Variants in CALCOCO2 observed in about 807,000 individuals in gnomAD.
The protein encoded by CALCOCO2 is calcium binding and coiled-coil domain 2, also known as calcium-binding and coiled-coil domain-containing protein 2.
In CALCOCO2, 42 loss-of-function variants were observed where a neutral mutation model predicts 62.5. The ratio of observed to expected loss-of-function variants is 0.67; its 90% CI spans 0.53 to 0.87. The LOEUF is 0.87. CALCOCO2 is among the 40% of genes least tolerant of loss of function. CALCOCO2 has a pLI of 0.00. For missense variants in CALCOCO2, 456 were observed against 515.0 expected (o/e 0.89, Z 1.11); for synonymous variants, 167 against 173.0 (o/e 0.97, Z 0.27).
intron 1 of CALCOCO2, chr17:48,831,868 C>T (rs1488398063): frequency 6.6e-6 from 1 of 152,122 alleles, no homozygotes; most frequent in East Asian, 1.9e-4. Flanking sequence ...AAGTAAAGGA[C>T]TTTATGTGGT....
Position 48,863,048 on chromosome 17 carries a change from G to T in CALCOCO2, c.*43G>T. 7.1e-7 allele frequency: 1 copy of T among 1,400,910 alleles called. No homozygotes were observed. The highest frequency in any genetic ancestry group is 1.2e-5 in the South Asian group (1 of 86,534). The allele number at this position is 1,400,910 out of a possible 1,614,324, so 86.8% of individuals were successfully genotyped here. ...ATGTATACAGAGATTTTATAGAATA[G>T]AACCTATAGCTTCTACCATGAGTTA... On this transcript the variant is annotated 3_prime_UTR_variant, in exon 13 of 13. Transcript: ENST00000258947.
chr17:48,851,753 A>C (rs1487338743), intron 7 of CALCOCO2, 125 bp downstream of exon 7: 46 of 681,992 alleles, frequency 6.7e-5, no homozygotes. Flanking sequence ...AAAGTATCAC[A>C]CTAAAGTTTC....
intron 10 of CALCOCO2, among the ~76,000 whole-genome samples, chr17:48,858,039 G>GA (rs1251403784): frequency 9.3e-5 from 2 of 21,620 alleles, no homozygotes; most frequent in African/African-American, 1.9e-4. Context: ...GAATAGAATA[G>GA]AATAGAAAAT....
At chr17:48,858,066 G>GAATAC (rs2040268796) in intron 10 of CALCOCO2, among the ~76,000 whole-genome samples, 6 of 144,640 alleles carry the variant, frequency 4.1e-5, no homozygotes, top group Admixed American at 6.9e-5. Flanking sequence ...GAATAGAATA[G>GAATAC]AATAGAATTT....
At chr17:48,842,691 A>G (rs1567751413) in intron 2 of CALCOCO2, 1 of 151,526 alleles carries the variant, frequency 6.6e-6, no homozygotes. Context: ...CCCAGGCTGA[A>G]GTACAGTGGT....
chr17:48,845,979 G>C, intron 2 of CALCOCO2: 1 of 738,670 alleles, frequency 1.4e-6, no homozygotes, highest in South Asian at 1.7e-5. Flanking sequence ...AGAGTTGGCT[G>C]TAAAGTTTCG....
chr17:48,852,701 A>C lies in CALCOCO2; in HGVS notation c.825+73A>C, dbSNP rs879186437. The C allele has an allele frequency of 2.9e-5, 42 of 1,438,460 alleles. 1 individual carries two copies. In the South Asian group the frequency reaches 3.2e-4, roughly 11 times the overall value. The allele number at this position is 1,438,460 out of a possible 1,614,324, so 89.1% of individuals were successfully genotyped here. On this transcript the variant is annotated intron_variant, in intron 8 of 12. Coordinates refer to ENST00000258947, the MANE Select transcript of CALCOCO2 (RefSeq NM_005831.5). ...ATACGTTGTTCTTTGTATAAAGAAC[A>C]TTTTAATGTTCTTTAATATACCTGG...
intron 12 of CALCOCO2, among the ~76,000 whole-genome samples, 176 bp downstream of exon 12, chr17:48,862,480 G>C (rs1350968031): frequency 1.3e-5 from 2 of 152,196 alleles, no homozygotes; most frequent in Non-Finnish European, 2.9e-5. Context: ...GGAGATGAAA[G>C]CACAGTTCAT....
chr17:48,852,245 A>G, intron 7 of CALCOCO2: 1 of 349,166 alleles, frequency 2.9e-6, no homozygotes, highest in South Asian at 4.3e-5. Flanking sequence ...AATCATCTAT[A>G]TCAATAATCA....
Position 48,851,581 on chromosome 17 carries a change from A to G in CALCOCO2, c.655A>G (p.Met219Val). The G allele has an allele frequency of 6.2e-7, 1 of 1,602,448 alleles. No homozygotes were observed. The change falls in exon 7 of 13, where the codon ATG (methionine) becomes GTG (valine). Residue 219 changes from methionine (M) to valine (V), a missense_variant. Physicochemically the swap from Met to Val is conservative, Grantham distance 21. Transcript: ENST00000258947. ...LLQLKEQNQKMSSENEKMGIR... is the reference protein window; with the variant it reads ...LLQLKEQNQKVSSENEKMGIR... The stretch of plus-strand genomic sequence containing the variant: ...CAGACTGAAAGAACAAAACCAGAAG[A>G]TGTCCTCAGAAAATGAGAAGATGGG...
chr17:48,835,723 T>TG (rs1371791376), intron 1 of CALCOCO2, among the ~76,000 whole-genome samples: 2 of 408 alleles, frequency 4.9e-3, no homozygotes, highest in African/African-American at 6.0e-3. Flanking sequence ...TTGGTTGTTT[T>TG]TCTTTTCTTT....
At chr17:48,856,328 AAATTT>A in intron 10 of CALCOCO2, 141 bp downstream of exon 10, 3 of 569,466 alleles carry the variant, frequency 5.3e-6, no homozygotes, top group Non-Finnish European at 9.5e-6. Flanking sequence ...AACGAAGAGT[AAATTT>A]AATCTAATTT....
chr17:48,851,568 A>G lies in CALCOCO2; in HGVS notation c.642A>G (p.Glu214=). Residue 214 remains glutamate (E), a synonymous_variant, in exon 7 of 13, where the codon GAA becomes GAG. Transcript: ENST00000258947. The part of the protein sequence containing the change: ...YWETELLQLK[E]QNQKMSSENE... Reference sequence around the variant, plus strand: ...ATCTCCACCTCTACAGACTGAAAGAACAAAACCAGAAGATGTCCTCAGAAA... The same window carrying G: ...ATCTCCACCTCTACAGACTGAAAGAGCAAAACCAGAAGATGTCCTCAGAAA... 1 of 1,596,420 alleles carries G rather than the reference A, an allele frequency of 6.3e-7. No individual in the cohort carries two copies. The highest frequency in any genetic ancestry group is 8.6e-7 in the Non-Finnish European group (1 of 1,163,734).
intron 1 of CALCOCO2, among the ~76,000 whole-genome samples, chr17:48,837,850 T>C (rs1211281316): frequency 2.0e-5 from 3 of 152,156 alleles, no homozygotes; most frequent in Non-Finnish European, 4.4e-5. Flanking sequence ...TTGCTTAGAC[T>C]TCAAAGTAAA....
intron 9 of CALCOCO2, among the ~76,000 whole-genome samples, chr17:48,854,315 C>A (rs868255181): frequency 0.011 from 323 of 30,554 alleles, no homozygotes; most frequent in Middle Eastern, 0.038. Flanking sequence ...GACTCCGTCT[C>A]AAAAAAAAAA....
chr17:48,840,029 C>A (rs1336972719), intron 1 of CALCOCO2, among the ~76,000 whole-genome samples: 3 of 151,998 alleles, frequency 2.0e-5, no homozygotes, highest in Non-Finnish European at 4.4e-5. Flanking sequence ...CCAGGCTGGA[C>A]TTGAACTCCT....
intron 5 of CALCOCO2, 140 bp from the exon 6 acceptor site, chr17:48,850,949 A>G: frequency 1.8e-6 from 1 of 561,208 alleles, no homozygotes; most frequent in Non-Finnish European, 3.2e-6. Context: ...TTTTCCTTTT[A>G]TTTGAGTATT....
At chr17:48,838,241 G>A (rs558212658) in intron 1 of CALCOCO2, among the ~76,000 whole-genome samples, 26 of 151,998 alleles carry the variant, frequency 1.7e-4, no homozygotes, top group Non-Finnish European at 3.7e-4. Flanking sequence ...AACAGGATAG[G>A]GATTTTCACA....
chr17:48,852,783 T>A, intron 8 of CALCOCO2, 143 bp from the exon 9 acceptor site: 1 of 979,272 alleles, frequency 1.0e-6, no homozygotes, highest in Non-Finnish European at 1.6e-6. Flanking sequence ...AGATAGCTCA[T>A]GGCTTTCTTC....
Sources: gnomAD v4.1 joint callset for allele counts (sites outside exome capture counted in the v4.1 genomes callset) on GRCh38, gnomAD v4.1.1 for gene constraint, MANE v1.5 for transcripts, NCBI Gene and HGNC (gene_info 2026-07-23, HGNC 2026-07-21) for gene names.